The following SUMF1 variants were observed in gnomAD, a reference collection of about 807,000 sequenced individuals.
SUMF1 encodes the protein formylglycine-generating enzyme.
Under a neutral mutation model 47.6 loss-of-function variants are expected in SUMF1, and 48 were observed. The observed-to-expected ratio is 1.01, with a 90% CI of 0.80 to 1.28. The LOEUF (loss-of-function observed/expected upper bound fraction) is 1.28, where lower values mean the gene tolerates loss of function less well. Ranked by LOEUF, SUMF1 falls within the 50% of genes most tolerant of loss-of-function variation. The pLI, the probability that SUMF1 is intolerant of heterozygous loss-of-function variation, is 0.00. For missense variants in SUMF1, 571 were observed against 485.4 expected, an observed-to-expected ratio of 1.18 and a Z score of -1.66; for synonymous variants, 230 against 192.1, an observed-to-expected ratio of 1.20 and a Z score of -1.63.
rs547749394 is a variant in SUMF1, at chr3:4,336,623, G to A, written c.1014+39707C>T. Among the ~76,000 whole-genome samples, 7 of 152,282 alleles carry A rather than the reference G, an allele frequency of 4.6e-5. No individual in the cohort carries two copies. The East Asian group carries it at 1.3e-3, about 29-fold the overall frequency. On this transcript the variant is annotated intron_variant and NMD_transcript_variant, in intron 8 of 12. Coordinates refer to the SUMF1 transcript ENST00000448413. Reference sequence around the variant, plus strand: ...ACACAATTTATGATTTTGCTGAAAGGAAGCCAAGAAGAACAAATTATATGG... The same window carrying A: ...ACACAATTTATGATTTTGCTGAAAGAAAGCCAAGAAGAACAAATTATATGG...
intron 8 of SUMF1, among the ~76,000 whole-genome samples, chr3:4,119,594 C>G (rs1486303858): frequency 6.6e-6 from 1 of 152,024 alleles, no homozygotes; most frequent in Non-Finnish European, 1.5e-5. Flanking sequence ...GTCTATGAAG[C>G]CATGCAGGGA....
At chr3:4,291,690 C>T (rs565419305) in intron 8 of SUMF1, among the ~76,000 whole-genome samples, 70 of 152,110 alleles carry the variant, frequency 4.6e-4, no homozygotes, top group African/African-American at 1.1e-3. Context: ...TGGGGAAAGA[C>T]GAAATTAAGT....
chr3:4,368,476 C>G (rs1700056729), intron 8 of SUMF1, among the ~76,000 whole-genome samples: 1 of 152,050 alleles, frequency 6.6e-6, no homozygotes, highest in Non-Finnish European at 1.5e-5. Context: ...ACCCAGCCAT[C>G]CCATTACTGG....
intron 1 of SUMF1, 145 bp from the exon 2 acceptor site, chr3:4,453,194 A>G (rs1703034389): frequency 3.7e-6 from 3 of 803,466 alleles, no homozygotes; most frequent in African/African-American, 3.4e-5. Flanking sequence ...AAATCTCTCT[A>G]TACCCCAAAG....
intron 8 of SUMF1, among the ~76,000 whole-genome samples, chr3:4,134,492 A>G (rs1693872467): frequency 6.6e-6 from 1 of 152,126 alleles, no homozygotes; most frequent in South Asian, 2.1e-4. Context: ...AATTTATAGC[A>G]CTAAATGCCC....
At chr3:4,428,010 T>A (rs1484626851) in intron 3 of SUMF1, among the ~76,000 whole-genome samples, 1 of 152,248 alleles carries the variant, frequency 6.6e-6, no homozygotes, top group African/African-American at 2.4e-5. Flanking sequence ...CAATTTTTAC[T>A]CATTTTCATC....
intron 8 of SUMF1, among the ~76,000 whole-genome samples, chr3:4,202,964 T>A (rs944721713): frequency 1.1e-4 from 16 of 151,950 alleles, no homozygotes; most frequent in African/African-American, 2.9e-4. Flanking sequence ...CCATTTTTTT[T>A]AATGTTTTAA....
chr3:4,205,296 T>C (rs1018983339), intron 8 of SUMF1, among the ~76,000 whole-genome samples: 6 of 152,070 alleles, frequency 3.9e-5, no homozygotes, highest in African/African-American at 1.2e-4. Flanking sequence ...CCACCACCTA[T>C]CCCCAAAACC....
chr3:4,344,792 G>A (rs1051284653), intron 8 of SUMF1, among the ~76,000 whole-genome samples: 1 of 152,078 alleles, frequency 6.6e-6, no homozygotes, highest in Admixed American at 6.6e-5. Context: ...TTGATAAGAG[G>A]TTAGAGGAAT....
At chr3:4,251,057 G>C (rs903399040) in intron 8 of SUMF1, among the ~76,000 whole-genome samples, 4 of 152,108 alleles carry the variant, frequency 2.6e-5, no homozygotes, top group Non-Finnish European at 5.9e-5. Context: ...TTCCTCTGAT[G>C]GTCCTAGGCA....
intron 8 of SUMF1, among the ~76,000 whole-genome samples, chr3:4,177,671 A>G (rs185009064): frequency 1.3e-3 from 203 of 152,140 alleles, no homozygotes; most frequent in African/African-American, 4.6e-3. Flanking sequence ...CTAGCAGAAG[A>G]CAAGAAATAA....
At chr3:4,336,336 T>C (rs1425198445) in intron 8 of SUMF1, among the ~76,000 whole-genome samples, 1 of 152,214 alleles carries the variant, frequency 6.6e-6, no homozygotes, top group Non-Finnish European at 1.5e-5. Context: ...TGAATCTACA[T>C]TTTACATGTG....
intron 8 of SUMF1, among the ~76,000 whole-genome samples, chr3:4,165,050 A>T (rs1694666708): frequency 6.6e-6 from 1 of 152,126 alleles, no homozygotes; most frequent in Non-Finnish European, 1.5e-5. Flanking sequence ...TCTAGGTCCC[A>T]GTGGGGATGC....
In SUMF1 at chr3:4,385,009, C is replaced by T. The variant is rs187884319; in HGVS notation, c.955-8620G>A. Among the ~76,000 whole-genome samples the T allele has an allele frequency of 3.7e-4, 56 of 152,052 alleles. 1 individual carries two copies. The highest frequency in any genetic ancestry group is 1.3e-3 in the African/African-American group (53 of 41,450). Reference sequence around the variant, plus strand: ...CAAGCGATTCTCCTGCCTCAGCCACCCGAGTAGCTGGGATTACAGGCACGC... The same window carrying T: ...CAAGCGATTCTCCTGCCTCAGCCACTCGAGTAGCTGGGATTACAGGCACGC... On this transcript the variant is annotated intron_variant, in intron 7 of 8. Coordinates refer to ENST00000272902, the MANE Select transcript of SUMF1 (RefSeq NM_182760.4).
chr3:4,135,322 T>C (rs1036578930), intron 8 of SUMF1, among the ~76,000 whole-genome samples: 1 of 152,048 alleles, frequency 6.6e-6, no homozygotes, highest in Admixed American at 6.6e-5. Flanking sequence ...GTTCAACATA[T>C]GAAAATCAAT....
At chr3:4,153,835 T>A (rs972193691) in intron 8 of SUMF1, among the ~76,000 whole-genome samples, 6 of 151,586 alleles carry the variant, frequency 4.0e-5, no homozygotes, top group African/African-American at 1.5e-4. Flanking sequence ...TAATATAAAA[T>A]TTTTTAAAGA....
At chr3:4,255,261 A>T (rs1188240141) in intron 8 of SUMF1, among the ~76,000 whole-genome samples, 1 of 114,822 alleles carries the variant, frequency 8.7e-6, no homozygotes, top group Non-Finnish European at 1.9e-5. Context: ...TTCACACATA[A>T]CAATATTAAC....
At chr3:4,114,222 A>T (rs918686961) in intron 8 of SUMF1, among the ~76,000 whole-genome samples, 2 of 152,184 alleles carry the variant, frequency 1.3e-5, no homozygotes, top group African/African-American at 4.8e-5. Context: ...ACAATGGGGA[A>T]GGACATGAAG....
intron 8 of SUMF1, among the ~76,000 whole-genome samples, chr3:4,080,435 C>T (rs1692534583): frequency 6.6e-6 from 1 of 152,068 alleles, no homozygotes; most frequent in Non-Finnish European, 1.5e-5. Context: ...ACTTTCTGCA[C>T]CTATGCTAAT....
Sources: gnomAD v4.1 joint callset for allele counts (sites outside exome capture counted in the v4.1 genomes callset) on GRCh38, gnomAD v4.1.1 for gene constraint, MANE v1.5 for transcripts, NCBI Gene and HGNC (gene_info 2026-07-23, HGNC 2026-07-21) for gene names.